Variants in FOXN3 observed in about 807,000 individuals in gnomAD.
The protein encoded by FOXN3 is forkhead box protein N3.
A neutral mutation model predicts 38.4 loss-of-function variants in FOXN3; 7 were observed. The observed-to-expected ratio is 0.18, with a 90% CI of 0.10 to 0.34. FOXN3 has a LOEUF of 0.34. FOXN3 is among the 10% of genes least tolerant of loss of function. The pLI is 1.00. For synonymous variants in FOXN3, 230 were observed against 242.2 expected, an observed-to-expected ratio of 0.95 and a Z score of 0.47; for missense variants, 456 against 613.4, an observed-to-expected ratio of 0.74 and a Z score of 2.71.
At chr14:89,187,083 A>G (rs1012942070) in intron 4 of FOXN3, among the ~76,000 whole-genome samples, 2 of 152,240 alleles carry the variant, frequency 1.3e-5, no homozygotes, top group Admixed American at 6.5e-5. Context: ...AGTGGCTGCC[A>G]TCTGGTGACC....
intron 1 of FOXN3, among the ~76,000 whole-genome samples, chr14:89,609,464 T>C (rs1231501512): frequency 6.6e-6 from 1 of 152,116 alleles, no homozygotes; most frequent in Non-Finnish European, 1.5e-5. Flanking sequence ...ATTGACAACA[T>C]AACAATAAAA....
chr14:89,513,351 A>G (rs1462029637), intron 1 of FOXN3, among the ~76,000 whole-genome samples: 1 of 149,672 alleles, frequency 6.7e-6, no homozygotes, highest in African/African-American at 2.5e-5. Flanking sequence ...CAGCCTCCTG[A>G]GCAGCTGGGA....
At chr14:89,498,381 C>G (rs1447256499) in intron 1 of FOXN3, among the ~76,000 whole-genome samples, 1 of 151,984 alleles carries the variant, frequency 6.6e-6, no homozygotes, top group Admixed American at 6.6e-5. Flanking sequence ...TGCCACCACA[C>G]CCAGCTAAAT....
chr14:89,207,473 A>G (rs1321809657), intron 4 of FOXN3, among the ~76,000 whole-genome samples: 1 of 152,208 alleles, frequency 6.6e-6, no homozygotes, highest in East Asian at 1.9e-4. Context: ...GAATCTGTAA[A>G]TTATTGAAAT....
intron 1 of FOXN3, among the ~76,000 whole-genome samples, chr14:89,563,538 A>C (rs1895290353): frequency 6.6e-6 from 1 of 152,150 alleles, no homozygotes; most frequent in African/African-American, 2.4e-5. Flanking sequence ...ACTCAGGAGG[A>C]GATCACTTCC....
At chr14:89,169,883 C>A (rs1042051095) in intron 5 of FOXN3, among the ~76,000 whole-genome samples, 4 of 152,030 alleles carry the variant, frequency 2.6e-5, no homozygotes, top group Admixed American at 1.3e-4. Flanking sequence ...GATGATAGAA[C>A]CAAACCCAAA....
At chr14:89,451,708 T>G (rs1272953094) in intron 1 of FOXN3, among the ~76,000 whole-genome samples, 2 of 152,192 alleles carry the variant, frequency 1.3e-5, no homozygotes, top group Non-Finnish European at 2.9e-5. Flanking sequence ...CACCTCAGAT[T>G]CACTTTTTTT....
At chr14:89,191,901 C>G (rs1240271720) in intron 4 of FOXN3, among the ~76,000 whole-genome samples, 1 of 147,950 alleles carries the variant, frequency 6.8e-6, no homozygotes, top group African/African-American at 2.5e-5. Flanking sequence ...ATTTGGCAAC[C>G]CTAGGGGTGA....
At chr14:89,578,399 A>T (rs1173141929) in intron 1 of FOXN3, among the ~76,000 whole-genome samples, 3 of 152,190 alleles carry the variant, frequency 2.0e-5, no homozygotes, top group Non-Finnish European at 2.9e-5. Context: ...TCTCTGGATG[A>T]TCTTACCCAA....
intron 4 of FOXN3, among the ~76,000 whole-genome samples, chr14:89,218,170 CCTAT>C (rs1225812049): frequency 1.4e-4 from 21 of 152,208 alleles, no homozygotes; most frequent in Non-Finnish European, 2.6e-4. Context: ...CATGCCTGCA[CCTAT>C]CTGTGTAATA....
chr14:89,463,793 T>C (rs1273142396), intron 1 of FOXN3, among the ~76,000 whole-genome samples: 3 of 151,500 alleles, frequency 2.0e-5, no homozygotes, highest in Non-Finnish European at 3.0e-5. Flanking sequence ...TCTTTTTTTT[T>C]TTTTTTTTGA....
intron 3 of FOXN3, among the ~76,000 whole-genome samples, chr14:89,342,835 C>G (rs946694657): frequency 1.3e-5 from 2 of 152,106 alleles, no homozygotes; most frequent in African/African-American, 4.8e-5. Flanking sequence ...TAATGCCTCA[C>G]GCTTTTAAAT....
chr14:89,504,560 A>G (rs1016261968), intron 1 of FOXN3, among the ~76,000 whole-genome samples: 17 of 152,314 alleles, frequency 1.1e-4, no homozygotes, highest in African/African-American at 4.1e-4. Flanking sequence ...GGCCACAGTA[A>G]GGCCCAGAAC....
At chr14:89,480,171 G>A (rs1209284082) in intron 1 of FOXN3, among the ~76,000 whole-genome samples, 1 of 152,268 alleles carries the variant, frequency 6.6e-6, no homozygotes, top group Non-Finnish European at 1.5e-5. Flanking sequence ...CCTCTTAAGA[G>A]GCGGGCGGAT....
intron 1 of FOXN3, among the ~76,000 whole-genome samples, chr14:89,549,618 G>A (rs925131912): frequency 3.3e-5 from 5 of 152,058 alleles, no homozygotes; most frequent in East Asian, 1.9e-4. Context: ...TGGGGGCGGG[G>A]TGAGGGAGGA....
chr14:89,605,671 AAG>A (rs1434818349), intron 1 of FOXN3, among the ~76,000 whole-genome samples: 18 of 152,298 alleles, frequency 1.2e-4, no homozygotes, highest in East Asian at 3.9e-4. Flanking sequence ...TTAGAACATG[AAG>A]AGTTATTTAT....
At chr14:89,267,608 T>C (rs1271738986) in intron 4 of FOXN3, among the ~76,000 whole-genome samples, 1 of 152,186 alleles carries the variant, frequency 6.6e-6, no homozygotes, top group Non-Finnish European at 1.5e-5. Context: ...TGAAGAGTAA[T>C]TGAGTAAAGA....
intron 1 of FOXN3, among the ~76,000 whole-genome samples, chr14:89,536,188 T>C (rs764834580): frequency 6.6e-6 from 1 of 152,158 alleles, no homozygotes; most frequent in Non-Finnish European, 1.5e-5. Flanking sequence ...GCTATGGACA[T>C]GGGGGCTCCA....
rs1231827450 is a variant in FOXN3 at position 89,307,463 on chromosome 14, G to GTA, written c.681-26450_681-26449insTA. ...GGAATATGGAATCAATTATATATAT[G>GTA]TGTGTAAATAAGGCCGCCCACCAGA... On this transcript the variant is annotated intron_variant, in intron 3 of 5. Coordinates refer to ENST00000557258, the MANE Select transcript of FOXN3 (RefSeq NM_005197.4). 2.9e-3 allele frequency among the ~76,000 whole-genome samples: 443 copies of GTA among 152,260 alleles called. 4 individuals are homozygous for GTA. The highest frequency in any genetic ancestry group is 9.8e-3 in the African/African-American group (405 of 41,524).
Sources: allele counts gnomAD v4.1 joint callset (sites outside exome capture counted in the v4.1 genomes callset), GRCh38; gene constraint gnomAD v4.1.1; transcripts MANE v1.5; gene names NCBI Gene and HGNC (gene_info 2026-07-23, HGNC 2026-07-21).